The following KANK1 variants were observed in gnomAD, a reference collection of about 807,000 sequenced individuals.
KANK1 encodes the protein KN motif and ankyrin repeat domains 1.
In KANK1, 109 loss-of-function variants were observed where a neutral mutation model predicts 106.2. The observed-to-expected ratio is 1.03, with a 90% CI of 0.88 to 1.20. The LOEUF is 1.20. Ranked by LOEUF, KANK1 falls within the 50% of genes most tolerant of loss-of-function variation. KANK1 has a pLI of 0.00. For missense variants in KANK1, 2,399 were observed against 1,710.7 expected (o/e 1.40, Z -7.10); for synonymous variants, 873 against 652.2 (o/e 1.34, Z -5.16).
At chr9:691,444 A>G (rs2139485217) in intron 2 of KANK1, among the ~76,000 whole-genome samples, 2 of 150,720 alleles carry the variant, frequency 1.3e-5, no homozygotes, top group East Asian at 3.9e-4. Context: ...TTTTTTTAAT[A>G]GAGACAAGGT....
rs1293238670 is a variant in KANK1 at position 637,539 on chromosome 9, C to G, written c.-83-39351C>G. Among the ~76,000 whole-genome samples the G allele has an allele frequency of 2.0e-5, 3 of 152,250 alleles. No individual in the cohort carries two copies. The South Asian group carries it at 6.2e-4, about 32-fold the overall frequency. On this transcript the variant is annotated intron_variant, in intron 1 of 11. Coordinates refer to ENST00000382297, the MANE Select transcript of KANK1 (RefSeq NM_015158.5). Reference sequence around the variant, plus strand: ...TGCTGGGACTTACCTTCAGGGATATCTAAGTCACCAAGTCTGGGGTGAAGC... The same window carrying G: ...TGCTGGGACTTACCTTCAGGGATATGTAAGTCACCAAGTCTGGGGTGAAGC...
intron 1 of KANK1, among the ~76,000 whole-genome samples, chr9:506,462 C>CT (rs1191053671): frequency 3.3e-5 from 5 of 152,258 alleles, no homozygotes; most frequent in African/African-American, 9.6e-5. Context: ...GCTTTCTGGG[C>CT]TCTAGACTTG....
chr9:513,321 C>T (rs770298218), intron 1 of KANK1, among the ~76,000 whole-genome samples: 2 of 152,216 alleles, frequency 1.3e-5, no homozygotes, highest in Non-Finnish European at 2.9e-5. Context: ...TGTGGATGTG[C>T]TGTCAGAAAT....
At chr9:591,368 A>G (rs946357360) in intron 1 of KANK1, among the ~76,000 whole-genome samples, 2 of 151,898 alleles carry the variant, frequency 1.3e-5, no homozygotes, top group African/African-American at 2.4e-5. Flanking sequence ...TTTACATAGC[A>G]GAGTAATCTC....
intron 1 of KANK1, among the ~76,000 whole-genome samples, chr9:599,206 C>T (rs1012262370): frequency 6.7e-6 from 1 of 149,580 alleles, no homozygotes; most frequent in Non-Finnish European, 1.5e-5. Context: ...TTAGTAGAGA[C>T]GGGGTTTTTC....
intron 1 of KANK1, among the ~76,000 whole-genome samples, chr9:592,106 G>C (rs1043066267): frequency 6.6e-6 from 1 of 151,814 alleles, no homozygotes; most frequent in African/African-American, 2.4e-5. Flanking sequence ...TCAGGGTGGT[G>C]GAAGAAATTG....
At chr9:579,295 A>G (rs1184856985) in intron 1 of KANK1, among the ~76,000 whole-genome samples, 2 of 152,188 alleles carry the variant, frequency 1.3e-5, no homozygotes, top group African/African-American at 4.8e-5. Flanking sequence ...ATGGTATTCA[A>G]CTGGGAATCT....
chr9:471,382 G>A, intron 2 of KANK1: 1 of 152,412 alleles, frequency 6.6e-6, no homozygotes, highest in East Asian at 1.9e-4. Flanking sequence ...AGTAGAGTAG[G>A]GAAGTGGGGA....
At chr9:609,200 G>GT (rs1830021946) in intron 1 of KANK1, among the ~76,000 whole-genome samples, 1 of 152,078 alleles carries the variant, frequency 6.6e-6, no homozygotes, top group African/African-American at 2.4e-5. Flanking sequence ...TTGCAGTGGT[G>GT]TTTTTATAAT....
intron 1 of KANK1, among the ~76,000 whole-genome samples, chr9:536,070 G>C (rs552837719): frequency 4.7e-4 from 71 of 152,010 alleles, no homozygotes; most frequent in Admixed American, 2.2e-3. Flanking sequence ...GGGCGCGGTG[G>C]CTCACATCTG....
At chr9:502,801 T>C (rs1023209362), upstream of KANK1, among the ~76,000 whole-genome samples, 8 of 152,034 alleles carry the variant, frequency 5.3e-5, no homozygotes, top group East Asian at 7.7e-4. Flanking sequence ...GCTGGGATTA[T>C]AGGTGTGAGC....
intron 2 of KANK1, among the ~76,000 whole-genome samples, chr9:678,379 A>T (rs1322880379): frequency 6.6e-6 from 1 of 152,168 alleles, no homozygotes; most frequent in East Asian, 1.9e-4. Context: ...TTTTACTGTC[A>T]TCATCATCCC....
Position 738,304 on chromosome 9 carries a change from T to C in KANK1, c.3353T>C (p.Leu1118Pro). The C allele has an allele frequency of 6.2e-7, 1 of 1,613,398 alleles. No homozygotes were observed. The highest frequency in any genetic ancestry group is 1.3e-5 in the African/African-American group (1 of 75,048). The change falls in exon 8 of 12, where the codon CTC becomes CCC. Residue 1118 changes from leucine to proline, a missense_variant. Physicochemically the swap from Leu to Pro is moderately conservative, Grantham distance 98 (BLOSUM62 -3). Transcript: ENST00000382297. ...SKDMRFCLNT[L>P]QHEWFRVSSQ... ...TGGCAGAGGTTCTGTCTGAACACCC[T>C]CCAGCACGAGTGGTTCCGCGTGTCC...
At position 732,029 on chromosome 9, in the gene KANK1, G is replaced by A. The variant is rs544203959; in HGVS notation, c.3006-349G>A. 3.5e-4 allele frequency: 66 copies of A among 187,868 alleles called. No homozygotes were observed. The South Asian group carries it at 7.6e-3, about 21-fold the overall frequency. 11.6% of individuals were successfully genotyped at this position (187,868 alleles called of 1,614,324 possible). A position where few individuals can be genotyped will look rare whatever the true frequency, so the allele number is the denominator to read the frequency against. ...CCCCTTGATACTGGGAGAATTAATA[G>A]GATGAAATAGGAAGACATGGGGTGG... is the stretch of plus-strand genomic sequence containing the variant. On this transcript the variant is annotated intron_variant, in intron 5 of 11. Coordinates refer to ENST00000382297, the MANE Select transcript of KANK1 (RefSeq NM_015158.5).
At chr9:727,710 G>A (rs1004505948) in intron 3 of KANK1, among the ~76,000 whole-genome samples, 14 of 151,818 alleles carry the variant, frequency 9.2e-5, no homozygotes, top group African/African-American at 3.1e-4. Context: ...GTGTGTGTGT[G>A]TGTGTGTATG....
At chr9:582,785 C>T (rs979638924) in intron 1 of KANK1, among the ~76,000 whole-genome samples, 9 of 152,174 alleles carry the variant, frequency 5.9e-5, no homozygotes, top group African/African-American at 2.2e-4. Flanking sequence ...TCAGTACAAG[C>T]TGTACATAAA....
chr9:615,813 C>A (rs781049935), intron 1 of KANK1, among the ~76,000 whole-genome samples: 1 of 152,170 alleles, frequency 6.6e-6, no homozygotes, highest in African/African-American at 2.4e-5. Context: ...CCTAACCTAG[C>A]TAAAGACCCA....
chr9:636,745 T>C (rs1837229870), intron 1 of KANK1, among the ~76,000 whole-genome samples: 1 of 152,180 alleles, frequency 6.6e-6, no homozygotes, highest in South Asian at 2.1e-4. Context: ...TGTGTGCTTG[T>C]AATCCCAGCT....
At chr9:659,069 A>G (rs190156170) in intron 1 of KANK1, among the ~76,000 whole-genome samples, 1 of 152,306 alleles carries the variant, frequency 6.6e-6, no homozygotes, top group African/African-American at 2.4e-5. Context: ...GTTTGTGCAC[A>G]TATAGTTCGT....
Sources: gnomAD v4.1 joint callset for allele counts (sites outside exome capture counted in the v4.1 genomes callset) on GRCh38, gnomAD v4.1.1 for gene constraint, MANE v1.5 for transcripts, NCBI Gene and HGNC (gene_info 2026-07-23, HGNC 2026-07-21) for gene names.